The following AVEN variants were observed in gnomAD, a reference collection of about 807,000 sequenced individuals.
AVEN encodes apoptosis and caspase activation inhibitor.
AVEN carries 41 observed loss-of-function variants against 38.1 expected under a neutral mutation model. The observed-to-expected ratio is 1.08, with a 90% CI of 0.84 to 1.40. AVEN has a LOEUF of 1.40. Ranked by LOEUF, AVEN falls within the 40% of genes most tolerant of loss-of-function variation. The pLI, the probability that AVEN is intolerant of heterozygous loss-of-function variation, is 0.00. For synonymous variants in AVEN, 206 were observed against 171.8 expected, an observed-to-expected ratio of 1.20 and a Z score of -1.56; for missense variants, 605 against 438.8, an observed-to-expected ratio of 1.38 and a Z score of -3.38.
chr15:33,882,086 C>T (rs1355317792), intron 2 of AVEN, among the ~76,000 whole-genome samples: 1 of 152,100 alleles, frequency 6.6e-6, no homozygotes, highest in Admixed American at 6.5e-5. Flanking sequence ...GTAAAGACAA[C>T]TGTCTGACTT....
intron 2 of AVEN, among the ~76,000 whole-genome samples, chr15:33,965,223 T>C (rs918935295): frequency 1.3e-5 from 2 of 152,228 alleles, no homozygotes; most frequent in East Asian, 3.8e-4. Flanking sequence ...CAACAAAGGT[T>C]TGATTTCTTC....
At chr15:33,999,231 G>A (rs1377225954) in intron 2 of AVEN, among the ~76,000 whole-genome samples, 1 of 152,190 alleles carries the variant, frequency 6.6e-6, no homozygotes. Flanking sequence ...TTCACTGGCT[G>A]AGTCCCCTCA....
intron 3 of AVEN, among the ~76,000 whole-genome samples, chr15:33,873,530 T>C (rs1419047746): frequency 2.0e-5 from 3 of 148,140 alleles, no homozygotes; most frequent in African/African-American, 7.4e-5. Flanking sequence ...ATATAATATA[T>C]ATTATATATA....
At chr15:33,897,336 C>T (rs1892274595) in intron 2 of AVEN, among the ~76,000 whole-genome samples, 1 of 152,032 alleles carries the variant, frequency 6.6e-6, no homozygotes, top group Non-Finnish European at 1.5e-5. Flanking sequence ...CACACTCTAT[C>T]GCCCAGGCTA....
At chr15:33,938,592 T>G (rs1894191164) in intron 2 of AVEN, among the ~76,000 whole-genome samples, 1 of 152,138 alleles carries the variant, frequency 6.6e-6, no homozygotes, top group Non-Finnish European at 1.5e-5. Context: ...AATTAACAAC[T>G]CATTCTAGAA....
At chr15:33,917,351 G>GGTGT (rs148147589) in intron 2 of AVEN, among the ~76,000 whole-genome samples, 13,459 of 140,056 alleles carry the variant, frequency 0.096, 644 homozygotes, top group African/African-American at 0.12. Flanking sequence ...AAGAAAATGT[G>GGTGT]GTGTGTGTGT....
intron 1 of AVEN, among the ~76,000 whole-genome samples, chr15:34,036,888 T>A (rs543652132): frequency 6.6e-6 from 1 of 152,170 alleles, no homozygotes; most frequent in South Asian, 2.1e-4. Context: ...GGCGGGTGGA[T>A]CACCTGAGGT....
chr15:34,045,688 AT>A (rs780282689), intron 5 of AVEN, among the ~76,000 whole-genome samples: 70 of 152,116 alleles, frequency 4.6e-4, no homozygotes, highest in Middle Eastern at 3.4e-3. Context: ...AGGTTCAGGC[AT>A]AAAGCTTCTC....
At chr15:34,039,210 G>A (rs938685358), upstream of AVEN, 88 of 463,302 alleles carry the variant, frequency 1.9e-4, 1 homozygote, top group African/African-American at 1.9e-3. Flanking sequence ...GCAGCGGAGC[G>A]GGGCGGGGCG....
intron 5 of AVEN, among the ~76,000 whole-genome samples, chr15:34,047,521 A>G (rs1252798258): frequency 6.6e-6 from 1 of 152,136 alleles, no homozygotes; most frequent in African/African-American, 2.4e-5. Flanking sequence ...ACCTCACAAG[A>G]TAAGACCCAC....
At position 33,923,006 on chromosome 15, in the gene AVEN, T is replaced by C. The variant is rs558969897; in HGVS notation, c.446-47011A>G. ...TGTATATGTGTATATATACACTTAA[T>C]GAATATCAACTTAAAATAATACTTT... is the stretch of plus-strand genomic sequence containing the variant. On this transcript the variant is annotated intron_variant, in intron 2 of 5. Coordinates refer to ENST00000306730, the MANE Select transcript of AVEN (RefSeq NM_020371.3). Among the ~76,000 whole-genome samples, 375 of 152,324 alleles carry C rather than the reference T, an allele frequency of 2.5e-3. 1 individual carries two copies. Among genetic ancestry groups the C allele is most frequent in the Middle Eastern group, 0.01 (3 of 294 alleles).
At chr15:34,052,474 A>G (rs879704499) in intron 5 of AVEN, among the ~76,000 whole-genome samples, 2 of 152,244 alleles carry the variant, frequency 1.3e-5, no homozygotes, top group African/African-American at 2.4e-5. Flanking sequence ...CCTATTCAAC[A>G]TAGTATTCAA....
intron 2 of AVEN, among the ~76,000 whole-genome samples, chr15:33,897,624 T>C (rs1892291328): frequency 6.6e-6 from 1 of 152,062 alleles, no homozygotes; most frequent in Non-Finnish European, 1.5e-5. Context: ...ATGCCTATAA[T>C]CCCAGCACTT....
intron 2 of AVEN, among the ~76,000 whole-genome samples, chr15:34,068,611 A>G (rs953742346): frequency 3.9e-5 from 6 of 152,208 alleles, no homozygotes; most frequent in African/African-American, 1.4e-4. Context: ...TATGTAATCT[A>G]CAGTCCACAC....
At chr15:33,962,673 A>ATATC (rs1895233738) in intron 2 of AVEN, among the ~76,000 whole-genome samples, 1 of 39,050 alleles carries the variant, frequency 2.6e-5, no homozygotes, top group South Asian at 2.2e-3. Flanking sequence ...TCCCTGCATA[A>ATATC]TATCTGTCTG....
downstream of AVEN, chr15:33,854,520 C>A: frequency 1.5e-6 from 2 of 1,299,152 alleles, no homozygotes; most frequent in Non-Finnish European, 2.1e-6. Context: ...GCAAGCTATG[C>A]AGGATGCTCA....
intron 2 of AVEN, among the ~76,000 whole-genome samples, chr15:34,002,664 T>C (rs1187428950): frequency 6.6e-6 from 1 of 152,206 alleles, no homozygotes; most frequent in Non-Finnish European, 1.5e-5. Context: ...AGAGAACATA[T>C]ATTCTAGAAA....
chr15:33,888,309 G>C (rs566367115), intron 2 of AVEN, among the ~76,000 whole-genome samples: 19 of 152,148 alleles, frequency 1.2e-4, no homozygotes, highest in Non-Finnish European at 2.5e-4. Context: ...AGCATTGTGT[G>C]TGTGTGTGGC....
At chr15:33,854,246 T>C (rs981343451), downstream of AVEN, 4 of 654,970 alleles carry the variant, frequency 6.1e-6, no homozygotes, top group Non-Finnish European at 7.9e-6. Flanking sequence ...TCTTGTCTCA[T>C]GGGGAGCACA....
Sources: gnomAD v4.1 joint callset for allele counts (sites outside exome capture counted in the v4.1 genomes callset) on GRCh38, gnomAD v4.1.1 for gene constraint, MANE v1.5 for transcripts, NCBI Gene and HGNC (gene_info 2026-07-23, HGNC 2026-07-21) for gene names.